Variants in ATL1 observed in about 807,000 individuals in gnomAD.
ATL1 encodes the protein atlastin GTPase 1.
In ATL1, 31 loss-of-function variants were observed where a neutral mutation model predicts 75.5. That is an observed-to-expected ratio of 0.41 (90% CI 0.31 to 0.55). The LOEUF is 0.55. ATL1 is among the 20% of genes least tolerant of loss of function. The pLI is 0.27. For missense variants in ATL1, 405 were observed against 662.6 expected (o/e 0.61, Z 4.27); for synonymous variants, 226 against 233.3 (o/e 0.97, Z 0.28).
At chr14:50,605,570 T>C (rs903660021) in intron 6 of ATL1, among the ~76,000 whole-genome samples, 2 of 152,068 alleles carry the variant, frequency 1.3e-5, no homozygotes, top group African/African-American at 2.4e-5. Flanking sequence ...ATTTTATTTA[T>C]AATTTAGAAC....
At chr14:50,578,614 T>G (rs2039028666) in intron 1 of ATL1, among the ~76,000 whole-genome samples, 1 of 152,214 alleles carries the variant, frequency 6.6e-6, no homozygotes, top group Middle Eastern at 3.2e-3. Flanking sequence ...TTTTCAGAGT[T>G]ATACCATATT....
At chr14:50,629,037 T>G (rs1334478012) in intron 12 of ATL1, among the ~76,000 whole-genome samples, 2 of 152,256 alleles carry the variant, frequency 1.3e-5, no homozygotes, top group African/African-American at 4.8e-5. Context: ...CTAAAAATGT[T>G]ATATCTATTA....
chr14:50,560,010 G>C (rs563665099), upstream of ATL1: 236 of 565,668 alleles, frequency 4.2e-4, no homozygotes, highest in Middle Eastern at 4.4e-3. Flanking sequence ...TCACGGTCTG[G>C]GGGTGGACTG....
At chr14:50,548,380 C>T (rs770337098) in intron 1 of ATL1, among the ~76,000 whole-genome samples, 7 of 152,282 alleles carry the variant, frequency 4.6e-5, no homozygotes, top group Non-Finnish European at 7.3e-5. Flanking sequence ...GTGAAACAAG[C>T]CCAAGCACTA....
intron 1 of ATL1, among the ~76,000 whole-genome samples, chr14:50,548,199 C>T (rs2038658426): frequency 6.6e-6 from 1 of 152,160 alleles, no homozygotes; most frequent in South Asian, 2.1e-4. Context: ...GCAGCTTGTT[C>T]CCCAGACAGT....
intron 11 of ATL1, 131 bp from the exon 12 acceptor site, chr14:50,627,900 G>A (rs1205126125): frequency 5.9e-6 from 5 of 854,636 alleles, no homozygotes; most frequent in Non-Finnish European, 9.4e-6. Flanking sequence ...GATGTGGGCT[G>A]ACAAAACATA....
In ATL1 at chr14:50,621,911, TGAG is replaced by T; in HGVS notation, c.1047+17_1047+19del. 2 of 1,574,556 alleles carry T rather than the reference TGAG, an allele frequency of 1.3e-6. No homozygotes were observed. Among genetic ancestry groups the T allele is most frequent in the Non-Finnish European group, 1.7e-6 (2 of 1,144,982 alleles). On this transcript the variant is annotated intron_variant, in intron 10 of 13. Coordinates refer to ENST00000358385, the MANE Select transcript of ATL1 (RefSeq NM_015915.5). ...AATCCATGTTACAGGTATTTATTAA[TGAG>T]GAGGCATGTTTTAAGACACGTGACT...
chr14:50,563,597 A>C (rs1027580813), intron 1 of ATL1, among the ~76,000 whole-genome samples: 4 of 152,218 alleles, frequency 2.6e-5, no homozygotes, highest in African/African-American at 9.6e-5. Flanking sequence ...TGAGAGCTAA[A>C]ATTTAGATAA....
chr14:50,621,344 A>T (rs1036068392), intron 9 of ATL1, among the ~76,000 whole-genome samples: 1 of 152,208 alleles, frequency 6.6e-6, no homozygotes, highest in African/African-American at 2.4e-5. Context: ...TTGTCATTTA[A>T]TATGCTATCA....
intron 1 of ATL1, chr14:50,542,657 T>G (rs546554979): frequency 1.4e-4 from 21 of 152,284 alleles, no homozygotes; most frequent in African/African-American, 5.1e-4. Flanking sequence ...CACCTGTTTT[T>G]TTTTCAACCC....
At chr14:50,613,704 G>C (rs17122683) in intron 7 of ATL1, among the ~76,000 whole-genome samples, 1 of 151,928 alleles carries the variant, frequency 6.6e-6, no homozygotes, top group Non-Finnish European at 1.5e-5. Flanking sequence ...TTTCTGTGTC[G>C]TGCTGGTTCA....
At chr14:50,553,065 C>T (rs540306203) in intron 1 of ATL1, among the ~76,000 whole-genome samples, 2 of 152,068 alleles carry the variant, frequency 1.3e-5, no homozygotes, top group South Asian at 2.1e-4. Context: ...GAGGCTGAGG[C>T]GGGTAGATTA....
chr14:50,565,170 G>A (rs2038891218), intron 1 of ATL1, among the ~76,000 whole-genome samples: 1 of 151,912 alleles, frequency 6.6e-6, no homozygotes, highest in Admixed American at 6.6e-5. Context: ...GGCACCTGTA[G>A]TCCCAGCTAC....
chr14:50,611,405 G>T (rs919959524), intron 6 of ATL1, among the ~76,000 whole-genome samples: 1 of 152,038 alleles, frequency 6.6e-6, no homozygotes, highest in African/African-American at 2.4e-5. Context: ...TGCATTTGTA[G>T]TATCTTTCAA....
chr14:50,554,000 T>C (rs2038735468), intron 1 of ATL1, among the ~76,000 whole-genome samples: 1 of 152,106 alleles, frequency 6.6e-6, no homozygotes, highest in Non-Finnish European at 1.5e-5. Context: ...TGGTACAGTA[T>C]ACTCTGCTCC....
intron 11 of ATL1, 76 bp downstream of exon 11, chr14:50,623,324 C>A: frequency 8.4e-7 from 1 of 1,185,458 alleles, no homozygotes; most frequent in Non-Finnish European, 1.2e-6. Flanking sequence ...TTTTTTCTTC[C>A]ATGTTACACT....
chr14:50,623,887 C>T (rs1047509650), intron 11 of ATL1, among the ~76,000 whole-genome samples: 1 of 148,336 alleles, frequency 6.7e-6, no homozygotes, highest in Admixed American at 6.7e-5. Context: ...CCTCTCTCTA[C>T]TAAAATAACA....
chr14:50,553,426 G>C (rs2038727179), intron 1 of ATL1, among the ~76,000 whole-genome samples: 1 of 151,518 alleles, frequency 6.6e-6, no homozygotes, highest in Non-Finnish European at 1.5e-5. Flanking sequence ...TGCAGGAATG[G>C]CCATAATTTA....
At chr14:50,550,209 G>T (rs1019881901) in intron 1 of ATL1, among the ~76,000 whole-genome samples, 1 of 152,212 alleles carries the variant, frequency 6.6e-6, no homozygotes, top group Admixed American at 6.5e-5. Context: ...CTTACCAATT[G>T]GCTACTATAC....
Sources: gnomAD v4.1 joint callset for allele counts (sites outside exome capture counted in the v4.1 genomes callset) on GRCh38, gnomAD v4.1.1 for gene constraint, MANE v1.5 for transcripts, NCBI Gene and HGNC (gene_info 2026-07-23, HGNC 2026-07-21) for gene names.